Variants in TAF3 observed in about 807,000 individuals in gnomAD.
TAF3 encodes TATA-box binding protein associated factor 3.
TAF3 carries 7 observed loss-of-function variants against 80.6 expected under a neutral mutation model. The observed-to-expected ratio is 0.09, with a 90% CI of 0.05 to 0.16. The LOEUF (loss-of-function observed/expected upper bound fraction) is 0.16, where lower values mean the gene tolerates loss of function less well. TAF3 is among the 10% of genes least tolerant of loss of function. TAF3 has a pLI of 1.00. For missense variants in TAF3, 921 were observed against 1,140.2 expected (o/e 0.81, Z 2.77); for synonymous variants, 444 against 446.1 (o/e 1.00, Z 0.06).
chr10:7,886,623 A>G (rs1012501564), intron 2 of TAF3, among the ~76,000 whole-genome samples: 2 of 152,242 alleles, frequency 1.3e-5, no homozygotes, highest in Admixed American at 6.5e-5. Context: ...GGGTTAGTGT[A>G]AAAACTAAGT....
At chr10:7,833,780 C>A in intron 2 of TAF3, 1 of 315,826 alleles carries the variant, frequency 3.2e-6, no homozygotes, top group Non-Finnish European at 6.1e-6. Context: ...TCTGGATGGG[C>A]ATGACTGGTC....
chr10:7,869,001 A>G (rs1474109433), intron 2 of TAF3, among the ~76,000 whole-genome samples: 3 of 152,174 alleles, frequency 2.0e-5, no homozygotes, highest in East Asian at 1.9e-4. Flanking sequence ...AGGTCCTTCC[A>G]AGATTGGATC....
At chr10:7,981,674 T>C (rs1382700634) in intron 4 of TAF3, among the ~76,000 whole-genome samples, 1 of 152,226 alleles carries the variant, frequency 6.6e-6, no homozygotes, top group Non-Finnish European at 1.5e-5. Context: ...TTTTGATTTC[T>C]GGTGGCAAGT....
At chr10:7,842,708 A>G (rs898025005) in intron 2 of TAF3, among the ~76,000 whole-genome samples, 9 of 152,182 alleles carry the variant, frequency 5.9e-5, no homozygotes, top group African/African-American at 2.2e-4. Flanking sequence ...CCAATAAGAT[A>G]TATCTGTTAT....
chr10:7,888,327 T>A (rs1470202015), intron 2 of TAF3, among the ~76,000 whole-genome samples: 4 of 152,194 alleles, frequency 2.6e-5, no homozygotes, highest in Non-Finnish European at 5.9e-5. Context: ...GTGATGCACA[T>A]AATATGATTC....
chr10:7,862,282 A>G (rs1837156024), intron 2 of TAF3, among the ~76,000 whole-genome samples: 1 of 152,118 alleles, frequency 6.6e-6, no homozygotes, highest in Non-Finnish European at 1.5e-5. Flanking sequence ...GTTTTTTCAC[A>G]TGTCTAATAA....
chr10:7,858,917 T>G lies in TAF3; in HGVS notation c.409+34357T>G, dbSNP rs532199151. Among the ~76,000 whole-genome samples the G allele has an allele frequency of 1.9e-4, 29 of 152,266 alleles. No individual in the cohort carries two copies. The East Asian group carries it at 5.2e-3, about 27-fold the overall frequency. On this transcript the variant is annotated intron_variant, in intron 2 of 6. Transcript: ENST00000344293. ...GTATCCTCCTCCATTACTGCTGGCCTCTTCAGCGTCTTCTGGGCTCTATTC... is the reference window on the plus strand; with the variant it reads ...GTATCCTCCTCCATTACTGCTGGCCGCTTCAGCGTCTTCTGGGCTCTATTC...
At position 7,878,106 on chromosome 10, in the gene TAF3, A is replaced by G. The variant is rs374911988; in HGVS notation, c.409+53546A>G. Among the ~76,000 whole-genome samples the G allele has an allele frequency of 2.5e-3, 375 of 152,298 alleles. 5 individuals carry two copies. In the South Asian group the frequency reaches 0.043, roughly 17 times the overall value. ...ATGCATCTGACCTTCCTGTGTTATT[A>G]ATTCTAAAACATGATTTTTAAAACA... On this transcript the variant is annotated intron_variant, in intron 2 of 6. Transcript: ENST00000344293.
At chr10:7,836,433 C>G (rs193033876) in intron 2 of TAF3, among the ~76,000 whole-genome samples, 91 of 152,196 alleles carry the variant, frequency 6.0e-4, no homozygotes, top group Non-Finnish European at 1.2e-3. Context: ...AGCTACCAAG[C>G]CCAGCTAATT....
At chr10:7,850,361 A>T (rs1244509) in intron 2 of TAF3, among the ~76,000 whole-genome samples, 27,302 of 152,160 alleles carry the variant, frequency 0.18, 2,532 homozygotes, top group South Asian at 0.26. Context: ...TATATCATAC[A>T]TAAATTTAAA....
rs58136865 is a variant in TAF3 at position 7,821,222 on chromosome 10, C to CTT, written c.166+2354_166+2355dup. 1.4e-4 allele frequency among the ~76,000 whole-genome samples: 21 copies of CTT among 151,646 alleles called. No individual in the cohort carries two copies. In the East Asian group the frequency reaches 1.7e-3, roughly 13 times the overall value. Reference sequence around the variant, plus strand: ...TCATTATTCCCACGTAATTTGGTGACTTTTTTTTAATGCTAATTTTGGTAT... The same window carrying CTT: ...TCATTATTCCCACGTAATTTGGTGACTTTTTTTTTTAATGCTAATTTTGGTAT... On this transcript the variant is annotated intron_variant, in intron 1 of 6. Transcript: ENST00000344293.
chr10:7,989,844 A>G (rs1012217893), intron 4 of TAF3, among the ~76,000 whole-genome samples: 1 of 152,192 alleles, frequency 6.6e-6, no homozygotes, highest in African/African-American at 2.4e-5. Flanking sequence ...CATTGGCCAA[A>G]GTTTGGAGCA....
At chr10:7,866,724 T>A (rs1292725647) in intron 2 of TAF3, among the ~76,000 whole-genome samples, 1 of 152,138 alleles carries the variant, frequency 6.6e-6, no homozygotes, top group Non-Finnish European at 1.5e-5. Context: ...AAAGCCAAAG[T>A]TGCCAGGTGG....
At chr10:7,990,079 T>A (rs938718599) in intron 4 of TAF3, among the ~76,000 whole-genome samples, 3 of 152,222 alleles carry the variant, frequency 2.0e-5, no homozygotes, top group African/African-American at 7.2e-5. Context: ...TAGTTTAGAT[T>A]AACTAGTAGA....
intron 4 of TAF3, among the ~76,000 whole-genome samples, chr10:7,977,840 T>A (rs1388926204): frequency 6.6e-6 from 1 of 152,218 alleles, no homozygotes; most frequent in Non-Finnish European, 1.5e-5. Context: ...CACTTTTTTT[T>A]AAGGAAGCCC....
At chr10:7,851,848 A>G (rs1361742149) in intron 2 of TAF3, among the ~76,000 whole-genome samples, 1 of 151,730 alleles carries the variant, frequency 6.6e-6, no homozygotes, top group Non-Finnish European at 1.5e-5. Context: ...GCAGTGGTAC[A>G]GTCCTGGCTT....
At chr10:8,003,866 C>T (rs925054245) in intron 4 of TAF3, among the ~76,000 whole-genome samples, 2 of 151,872 alleles carry the variant, frequency 1.3e-5, no homozygotes, top group African/African-American at 4.8e-5. Flanking sequence ...GGCAACAGAG[C>T]AAGACGCCAT....
At chr10:7,871,181 T>A (rs982963883) in intron 2 of TAF3, among the ~76,000 whole-genome samples, 5 of 152,082 alleles carry the variant, frequency 3.3e-5, no homozygotes, top group African/African-American at 1.2e-4. Flanking sequence ...TTAAAATACA[T>A]GTAGCTGGAA....
intron 2 of TAF3, among the ~76,000 whole-genome samples, chr10:7,838,190 G>A (rs1333152974): frequency 6.6e-6 from 1 of 152,164 alleles, no homozygotes; most frequent in Non-Finnish European, 1.5e-5. Context: ...AGTGCTGTGT[G>A]TATGGGTACC....
Sources: gnomAD v4.1 joint callset for allele counts (sites outside exome capture counted in the v4.1 genomes callset) on GRCh38, gnomAD v4.1.1 for gene constraint, MANE v1.5 for transcripts, NCBI Gene and HGNC (gene_info 2026-07-23, HGNC 2026-07-21) for gene names.